The following ADGRL3 variants were observed in gnomAD, a reference collection of about 807,000 sequenced individuals.
ADGRL3 encodes adhesion G protein-coupled receptor L3.
Under a neutral mutation model 153.5 loss-of-function variants are expected in ADGRL3, and 62 were observed. The observed-to-expected ratio is 0.40, with a 90% CI of 0.33 to 0.50. ADGRL3 has a LOEUF of 0.50. Ranked by LOEUF, ADGRL3 falls within the 20% of genes least tolerant of loss-of-function variation. The pLI, the probability that ADGRL3 is intolerant of heterozygous loss-of-function variation, is 0.47. For synonymous variants in ADGRL3, 710 were observed against 672.5 expected, an observed-to-expected ratio of 1.06 and a Z score of -0.86; for missense variants, 1,641 against 1,859.4, an observed-to-expected ratio of 0.88 and a Z score of 2.16.
At chr4:61,336,537 T>C (rs879108814) in intron 1 of ADGRL3, among the ~76,000 whole-genome samples, 1 of 152,136 alleles carries the variant, frequency 6.6e-6, no homozygotes, top group East Asian at 1.9e-4. Flanking sequence ...GTCAAGAGCA[T>C]GGAGGTTACA....
At chr4:61,830,646 G>A (rs935383053) in intron 9 of ADGRL3, among the ~76,000 whole-genome samples, 51 of 152,100 alleles carry the variant, frequency 3.4e-4, no homozygotes, top group Non-Finnish European at 5.9e-5. Context: ...CTCAAAGCCT[G>A]TTTAAGAATC....
chr4:61,578,746 C>A (rs189572915), intron 4 of ADGRL3, among the ~76,000 whole-genome samples: 1 of 152,060 alleles, frequency 6.6e-6, no homozygotes, highest in Non-Finnish European at 1.5e-5. Flanking sequence ...CTCAAATCTT[C>A]GTCATTCGAG....
chr4:61,959,253 G>A (rs1046160145), intron 17 of ADGRL3, among the ~76,000 whole-genome samples: 5 of 152,008 alleles, frequency 3.3e-5, no homozygotes, highest in Admixed American at 3.3e-4. Flanking sequence ...TTTCTACTGT[G>A]GTTTTGTAGA....
intron 1 of ADGRL3, among the ~76,000 whole-genome samples, chr4:61,265,598 G>A (rs545448071): frequency 8.6e-5 from 13 of 151,988 alleles, no homozygotes; most frequent in African/African-American, 2.4e-4. Flanking sequence ...TATAACATCA[G>A]GAGTTTTGTT....
intron 6 of ADGRL3, among the ~76,000 whole-genome samples, chr4:61,701,020 C>T (rs1339607391): frequency 6.6e-6 from 1 of 152,204 alleles, no homozygotes; most frequent in Non-Finnish European, 1.5e-5. Context: ...TACCACAATA[C>T]TGTCACTCAG....
chr4:62,025,625 A>G (rs1219032633), intron 21 of ADGRL3, among the ~76,000 whole-genome samples: 1 of 152,146 alleles, frequency 6.6e-6, no homozygotes, highest in Non-Finnish European at 1.5e-5. Flanking sequence ...AAGCCCACTC[A>G]ACATACAGAT....
chr4:61,339,829 G>T (rs1298587086), intron 1 of ADGRL3, among the ~76,000 whole-genome samples: 1 of 152,134 alleles, frequency 6.6e-6, no homozygotes, highest in Non-Finnish European at 1.5e-5. Context: ...ACAATCTTGG[G>T]TCTCTCTGTC....
At chr4:61,977,641 G>T (rs1302021575) in intron 17 of ADGRL3, among the ~76,000 whole-genome samples, 1 of 152,110 alleles carries the variant, frequency 6.6e-6, no homozygotes, top group Admixed American at 6.6e-5. Context: ...GTCGTATCTG[G>T]CAGTATGAGG....
At chr4:61,801,217 T>C (rs1315126870) in intron 8 of ADGRL3, among the ~76,000 whole-genome samples, 3 of 152,122 alleles carry the variant, frequency 2.0e-5, no homozygotes, top group Non-Finnish European at 4.4e-5. Context: ...GCCATCTTGA[T>C]AAAACCATCA....
At chr4:61,597,932 A>G (rs1306281229) in intron 5 of ADGRL3, among the ~76,000 whole-genome samples, 1 of 152,154 alleles carries the variant, frequency 6.6e-6, no homozygotes, top group Non-Finnish European at 1.5e-5. Context: ...GGAATTATTT[A>G]TCTGTACATA....
chr4:61,630,633 T>C (rs1025361770), intron 5 of ADGRL3, among the ~76,000 whole-genome samples: 4 of 152,234 alleles, frequency 2.6e-5, no homozygotes, highest in African/African-American at 9.6e-5. Flanking sequence ...AACTTTCTCA[T>C]AGTCATCATG....
chr4:61,659,824 C>G (rs2094540503), intron 5 of ADGRL3, among the ~76,000 whole-genome samples: 1 of 138,372 alleles, frequency 7.2e-6, no homozygotes, highest in Non-Finnish European at 1.5e-5. Flanking sequence ...TCAATTTAAT[C>G]AGAAAGTAGA....
intron 8 of ADGRL3, 96 bp downstream of exon 8, chr4:61,733,650 T>C (rs2096470589): frequency 1.1e-6 from 1 of 902,708 alleles, no homozygotes; most frequent in African/African-American, 1.7e-5. Flanking sequence ...ATTTGTGGTA[T>C]TCTGGCCTGT....
chr4:61,345,447 G>A (rs1259768580), intron 1 of ADGRL3, among the ~76,000 whole-genome samples: 1 of 152,064 alleles, frequency 6.6e-6, no homozygotes, highest in Non-Finnish European at 1.5e-5. Context: ...TTTATTGGTT[G>A]TGATGTTGAC....
chr4:61,651,117 C>A (rs904912926), intron 5 of ADGRL3, among the ~76,000 whole-genome samples: 1 of 151,814 alleles, frequency 6.6e-6, no homozygotes, highest in East Asian at 1.9e-4. Flanking sequence ...TAAAAAGGTT[C>A]GGAAGAAAAG....
chr4:61,775,069 T>C (rs1239584814), intron 8 of ADGRL3, among the ~76,000 whole-genome samples: 2 of 152,224 alleles, frequency 1.3e-5, no homozygotes, highest in African/African-American at 4.8e-5. Flanking sequence ...GCTTGCCTTG[T>C]ATCTATTTCC....
chr4:61,590,389 AT>A (rs1482194932), intron 5 of ADGRL3, among the ~76,000 whole-genome samples: 22 of 152,204 alleles, frequency 1.4e-4, no homozygotes, highest in Middle Eastern at 3.4e-3. Context: ...TTTAAAAAAA[AT>A]ATTACACATA....
chr4:61,538,803 C>T (rs1472868096), intron 4 of ADGRL3, among the ~76,000 whole-genome samples: 2 of 152,022 alleles, frequency 1.3e-5, no homozygotes, highest in Non-Finnish European at 2.9e-5. Context: ...GGGCATGTGC[C>T]TTTGGGTAAT....
chr4:61,370,180 G>C (rs891134779), intron 1 of ADGRL3, among the ~76,000 whole-genome samples: 1 of 151,944 alleles, frequency 6.6e-6, no homozygotes, highest in Non-Finnish European at 1.5e-5. Context: ...CAAAAAACCA[G>C]CTCCTGGATT....
Sources: allele counts gnomAD v4.1 joint callset (sites outside exome capture counted in the v4.1 genomes callset), GRCh38; gene constraint gnomAD v4.1.1; transcripts MANE v1.5; gene names NCBI Gene and HGNC (gene_info 2026-07-23, HGNC 2026-07-21).